DENND2B: variants seen among roughly 807,000 people sequenced by gnomAD.
DENND2B encodes the protein DENN domain-containing protein 2B.
DENND2B carries 32 observed loss-of-function variants against 116.0 expected under a neutral mutation model. The ratio of observed to expected loss-of-function variants is 0.28; its 90% CI spans 0.21 to 0.37. The LOEUF (loss-of-function observed/expected upper bound fraction) is 0.37, where lower values mean the gene tolerates loss of function less well. Among genes scored for constraint, DENND2B ranks in the 10% least tolerant of loss-of-function variants. DENND2B has a pLI of 1.00. For missense variants in DENND2B, 1,276 were observed against 1,477.7 expected (o/e 0.86, Z 2.24); for synonymous variants, 588 against 583.9 (o/e 1.01, Z -0.10).
At chr11:8,801,778 C>T (rs773918046) in intron 1 of DENND2B, among the ~76,000 whole-genome samples, 22 of 147,616 alleles carry the variant, frequency 1.5e-4, no homozygotes, top group Non-Finnish European at 2.8e-4. Flanking sequence ...CCGAGGTGGG[C>T]GGATCACTTG....
At position 8,729,994 on chromosome 11, in the gene DENND2B, C is replaced by G. The variant is rs777790021; in HGVS notation, c.1296G>C (p.Arg432=). 1 of 1,614,080 alleles carries G rather than the reference C, an allele frequency of 6.2e-7. No individual in the cohort carries two copies. Among genetic ancestry groups the G allele is most frequent in the Non-Finnish European group, 8.5e-7 (1 of 1,180,018 alleles). The change falls in exon 3 of 20, where the codon CGG becomes CGC. Residue 432 remains arginine, a synonymous_variant. Transcript: ENST00000313726. ...LPSTPAPPVT[R]RPKKDMRGHR... Reference sequence around the variant, plus strand: ...GACCACGCATGTCCTTCTTGGGTCTCCGGGTGACTGGCGGGGCTGGGGTGG... The same window carrying G: ...GACCACGCATGTCCTTCTTGGGTCTGCGGGTGACTGGCGGGGCTGGGGTGG...
chr11:8,708,275 A>C, intron 11 of DENND2B: 7 of 985,500 alleles, frequency 7.1e-6, no homozygotes, highest in Non-Finnish European at 8.4e-6. Flanking sequence ...CCCATAGGGC[A>C]CATTCGGCAT....
intron 1 of DENND2B, chr11:8,771,815 A>C (rs1317547888): frequency 2.6e-5 from 4 of 152,188 alleles, no homozygotes; most frequent in African/African-American, 4.8e-5. Flanking sequence ...AACAGTACAC[A>C]CAAAAGAGAG....
intron 9 of DENND2B, among the ~76,000 whole-genome samples, chr11:8,711,484 C>G (rs938633621): frequency 6.6e-6 from 1 of 152,112 alleles, no homozygotes. Flanking sequence ...CAATGGAAAA[C>G]AAAGGGGACA....
At chr11:8,715,212 G>C (rs967282607) in intron 6 of DENND2B, among the ~76,000 whole-genome samples, 1 of 152,328 alleles carries the variant, frequency 6.6e-6, no homozygotes, top group Admixed American at 6.5e-5. Context: ...GGGCCTGGCT[G>C]CCTATGTGTG....
At chr11:8,714,096 T>TTGC in intron 7 of DENND2B, 54 bp from the exon 8 acceptor site, 1 of 1,591,920 alleles carries the variant, frequency 6.3e-7, no homozygotes, top group South Asian at 1.1e-5. Context: ...CCAATGTTTT[T>TTGC]TGCTCCCCCA....
intron 1 of DENND2B, among the ~76,000 whole-genome samples, chr11:8,755,383 G>A (rs551181044): frequency 8.5e-5 from 13 of 152,200 alleles, no homozygotes; most frequent in Non-Finnish European, 1.6e-4. Flanking sequence ...ATTCTTGATA[G>A]CATTTATACT....
At chr11:8,840,096 A>G (rs537657696) in intron 3 of DENND2B, among the ~76,000 whole-genome samples, 3 of 152,006 alleles carry the variant, frequency 2.0e-5, no homozygotes, top group Non-Finnish European at 1.5e-5. Flanking sequence ...CCCCCGCCCA[A>G]TGCCTCATTT....
At chr11:8,841,778 C>T (rs2134617987) in intron 3 of DENND2B, among the ~76,000 whole-genome samples, 1 of 152,362 alleles carries the variant, frequency 6.6e-6, no homozygotes, top group African/African-American at 2.4e-5. Context: ...GACTACATGA[C>T]ATGGCACAAA....
Position 8,859,929 on chromosome 11 carries a change from C to A in DENND2B, c.-249-2493G>T, listed in dbSNP as rs548714889. ...TCTCAAGCTGTAAAAACCTCCCATA[C>A]CTAGCAACATGTCACACCTGCCCCT... On this transcript the variant is annotated intron_variant, in intron 2 of 6. Coordinates refer to the DENND2B transcript ENST00000524757. Among the ~76,000 whole-genome samples the A allele has an allele frequency of 1.4e-4, 21 of 152,226 alleles. No individual in the cohort carries two copies. In the South Asian group the frequency reaches 3.9e-3, roughly 29 times the overall value.
At chr11:8,791,474 T>C (rs2059370663) in intron 1 of DENND2B, among the ~76,000 whole-genome samples, 1 of 152,048 alleles carries the variant, frequency 6.6e-6, no homozygotes, top group African/African-American at 2.4e-5. Flanking sequence ...TAATCAGAAA[T>C]ATTCTTTTAA....
intron 2 of DENND2B, among the ~76,000 whole-genome samples, chr11:8,880,354 T>G (rs1263717463): frequency 1.6e-5 from 2 of 125,736 alleles, no homozygotes; most frequent in East Asian, 3.3e-4. Context: ...ACTGTGTGTG[T>G]GTGTGTGTGT....
In DENND2B at chr11:8,797,696, C is replaced by T. The variant is rs533707618; in HGVS notation, c.-26+12821G>A. 7.9e-5 allele frequency among the ~76,000 whole-genome samples: 12 copies of T among 152,150 alleles called. No individual in the cohort carries two copies. In the South Asian group the frequency reaches 2.1e-3, roughly 26 times the overall value. ...AACTCTTGGGTTCCAGCGATCCTCCCGCTTCAGCCTCCCAAAGTGTGGGGG... is the reference window on the plus strand; with the variant it reads ...AACTCTTGGGTTCCAGCGATCCTCCTGCTTCAGCCTCCCAAAGTGTGGGGG... On this transcript the variant is annotated intron_variant, in intron 1 of 19. Transcript: ENST00000313726.
intron 1 of DENND2B, among the ~76,000 whole-genome samples, chr11:8,900,625 C>T (rs1247587610): frequency 6.6e-6 from 1 of 150,746 alleles, no homozygotes; most frequent in Non-Finnish European, 1.5e-5. Context: ...AGAAGTAGAT[C>T]GTGACAAATA....
At chr11:8,722,588 G>A (rs2046374771) in intron 4 of DENND2B, among the ~76,000 whole-genome samples, 1 of 152,212 alleles carries the variant, frequency 6.6e-6, no homozygotes, top group Admixed American at 6.5e-5. Flanking sequence ...TCTCGGGCCT[G>A]TCCCCAGGGA....
intron 5 of DENND2B, among the ~76,000 whole-genome samples, 186 bp from the exon 6 acceptor site, chr11:8,716,004 T>C (rs1010750587): frequency 3.3e-5 from 5 of 152,206 alleles, no homozygotes; most frequent in Admixed American, 6.5e-5. Flanking sequence ...ATAGATTAGA[T>C]ACTTGCCTTC....
chr11:8,816,458 G>T (rs914879922), intron 4 of DENND2B, among the ~76,000 whole-genome samples: 1 of 152,046 alleles, frequency 6.6e-6, no homozygotes, highest in Non-Finnish European at 1.5e-5. Context: ...GGCTGAAATG[G>T]GAGGATCGCT....
chr11:8,710,569 T>G lies in DENND2B; in HGVS notation c.2352+276A>C, dbSNP rs74952394. On this transcript the variant is annotated intron_variant, in intron 11 of 19. Coordinates refer to ENST00000313726, the MANE Select transcript of DENND2B (RefSeq NM_213618.2). Reference sequence around the variant, plus strand: ...AAAGTAGAGAAAAACTAAAAAGACATGAAAACCCACTCCCTCCCCTTACTC... The same window carrying G: ...AAAGTAGAGAAAAACTAAAAAGACAGGAAAACCCACTCCCTCCCCTTACTC... Among the ~76,000 whole-genome samples, 51 of 151,866 alleles carry G rather than the reference T, an allele frequency of 3.4e-4. No homozygotes were observed. The East Asian group carries it at 9.9e-3, about 30-fold the overall frequency.
At chr11:8,779,812 G>T (rs1276682820) in intron 1 of DENND2B, among the ~76,000 whole-genome samples, 2 of 152,142 alleles carry the variant, frequency 1.3e-5, no homozygotes, top group Admixed American at 6.5e-5. Context: ...ACCACGCCCG[G>T]CCAAGGTTTC....
Sources: gnomAD v4.1 joint callset for allele counts (sites outside exome capture counted in the v4.1 genomes callset) on GRCh38, gnomAD v4.1.1 for gene constraint, MANE v1.5 for transcripts, NCBI Gene and HGNC (gene_info 2026-07-23, HGNC 2026-07-21) for gene names.